The following FAM107A variants were observed in gnomAD, a reference collection of about 807,000 sequenced individuals.
The protein encoded by FAM107A is family with sequence similarity 107 member A.
Under a neutral mutation model 13.7 loss-of-function variants are expected in FAM107A, and 19 were observed. That is an observed-to-expected ratio of 1.38 (90% confidence interval 0.97 to 2.03). The LOEUF (loss-of-function observed/expected upper bound fraction) is 2.03, where lower values mean the gene tolerates loss of function less well. Among genes scored for constraint, FAM107A ranks in the 30% most tolerant of loss-of-function variants. The pLI is 0.00. For missense variants in FAM107A, 203 were observed against 184.4 expected, an observed-to-expected ratio of 1.10 and a Z score of -0.58; for synonymous variants, 82 against 74.5, an observed-to-expected ratio of 1.10 and a Z score of -0.52.
chr3:58,578,564 TC>T (rs1194205949), upstream of FAM107A, among the ~76,000 whole-genome samples: 2 of 151,908 alleles, frequency 1.3e-5, no homozygotes, highest in African/African-American at 4.8e-5. Flanking sequence ...CAAGACTGTC[TC>T]AAAAAAACCC....
chr3:58,584,242 G>A (rs2065579726), intron 1 of FAM107A, among the ~76,000 whole-genome samples: 1 of 152,154 alleles, frequency 6.6e-6, no homozygotes, highest in African/African-American at 2.4e-5. Flanking sequence ...TCCAATAGGG[G>A]TTTCCATTAC....
At chr3:58,616,279 C>T (rs1004540213) in intron 1 of FAM107A, among the ~76,000 whole-genome samples, 5 of 152,066 alleles carry the variant, frequency 3.3e-5, no homozygotes, top group African/African-American at 1.2e-4. Flanking sequence ...GGATGGGTCT[C>T]AGCCAGAGGA....
intron 1 of FAM107A, among the ~76,000 whole-genome samples, chr3:58,582,912 C>T (rs543595456): frequency 6.6e-6 from 1 of 152,312 alleles, no homozygotes; most frequent in Admixed American, 6.5e-5. Context: ...GATTCTCCCA[C>T]CTCAGCCTCC....
chr3:58,580,960 C>T (rs2065532634), upstream of FAM107A, among the ~76,000 whole-genome samples: 1 of 151,948 alleles, frequency 6.6e-6, no homozygotes, highest in African/African-American at 2.4e-5. Flanking sequence ...TCACATCTGG[C>T]TCAGTTATGT....
intron 1 of FAM107A, among the ~76,000 whole-genome samples, chr3:58,624,872 C>G (rs568917134): frequency 7.9e-5 from 12 of 152,358 alleles, no homozygotes; most frequent in African/African-American, 2.4e-4. Flanking sequence ...GTCTCTGCAA[C>G]TGACAGGGAC....
intron 1 of FAM107A, among the ~76,000 whole-genome samples, chr3:58,593,709 C>T (rs1287536498): frequency 6.6e-6 from 1 of 152,026 alleles, no homozygotes; most frequent in Non-Finnish European, 1.5e-5. Flanking sequence ...CTAATTCCTC[C>T]TTAGCGAACA....
chr3:58,624,145 G>T (rs549025393), intron 1 of FAM107A, among the ~76,000 whole-genome samples: 1 of 152,306 alleles, frequency 6.6e-6, no homozygotes, highest in African/African-American at 2.4e-5. Context: ...GGCTTAAAAC[G>T]TGGCTCCCAT....
upstream of FAM107A, chr3:58,577,560 G>A (rs1166738369): frequency 4.1e-6 from 4 of 985,348 alleles, no homozygotes; most frequent in African/African-American, 1.7e-5. The surrounding 1 kb of genome is among the most constrained non-coding windows in gnomAD (Gnocchi z 4.9). Context: ...TCCACGATGC[G>A]GAACATCATG....
chr3:58,624,031 C>A (rs2106644597), intron 1 of FAM107A, among the ~76,000 whole-genome samples: 1 of 152,290 alleles, frequency 6.6e-6, no homozygotes, highest in East Asian at 1.9e-4. Flanking sequence ...CGTGCCCACA[C>A]TCTGTTGGTG....
chr3:58,587,646 G>A (rs2065622346), upstream of FAM107A, among the ~76,000 whole-genome samples: 2 of 152,056 alleles, frequency 1.3e-5, no homozygotes, highest in Admixed American at 1.3e-4. Flanking sequence ...GAAGGTTGAG[G>A]GTGGAGGCCT....
chr3:58,626,285 ACC>A (rs1020652919), intron 1 of FAM107A, among the ~76,000 whole-genome samples: 3 of 151,986 alleles, frequency 2.0e-5, no homozygotes, highest in Non-Finnish European at 4.4e-5. Context: ...CCTACTCCCC[ACC>A]CCAGGATGCT....
intron 1 of FAM107A, among the ~76,000 whole-genome samples, chr3:58,602,123 A>G (rs2065757726): frequency 6.6e-6 from 1 of 152,118 alleles, no homozygotes; most frequent in Non-Finnish European, 1.5e-5. Flanking sequence ...GGGAAGGGGG[A>G]AGAGAGAAGA....
rs535839912 is a variant in FAM107A, at chr3:58,568,438, C to CA, written c.171-1075dup. 7.3e-4 allele frequency among the ~76,000 whole-genome samples: 105 copies of CA among 143,750 alleles called. 2 individuals are homozygous for CA. In the East Asian group the frequency reaches 0.016, roughly 22 times the overall value. 94.3% of individuals were successfully genotyped at this position (143,750 alleles called of 152,430 possible). A position where few individuals can be genotyped will look rare whatever the true frequency, so the allele number is the denominator to read the frequency against. On this transcript the variant is annotated intron_variant, in intron 2 of 3. Coordinates refer to ENST00000360997, the MANE Select transcript of FAM107A (RefSeq NM_001076778.3). ...CGACAGAGCGAGACTTCATCTCAAA[C>CA]AAAAAAAAAGAAAAAAAGAAAAAAA...
chr3:58,592,513 C>T (rs953288721), intron 1 of FAM107A, among the ~76,000 whole-genome samples: 4 of 152,294 alleles, frequency 2.6e-5, no homozygotes, highest in East Asian at 1.9e-4. Context: ...AGAAGGCCAC[C>T]GCGGTCATTT....
At chr3:58,590,330 A>G (rs2065645459), upstream of FAM107A, among the ~76,000 whole-genome samples, 1 of 152,110 alleles carries the variant, frequency 6.6e-6, no homozygotes, top group African/African-American at 2.4e-5. Flanking sequence ...GCAACCCCAC[A>G]GTTGTCTGAT....
upstream of FAM107A, among the ~76,000 whole-genome samples, chr3:58,580,385 T>C (rs1027780963): frequency 1.1e-3 from 168 of 151,148 alleles, no homozygotes; most frequent in African/African-American, 1.5e-3. Context: ...TTTTTTTTTT[T>C]CCTAGGGAGG....
intron 1 of FAM107A, among the ~76,000 whole-genome samples, chr3:58,608,404 A>T (rs941372530): frequency 6.6e-6 from 1 of 152,268 alleles, no homozygotes; most frequent in Non-Finnish European, 1.5e-5. Context: ...CAGTAGAGCC[A>T]AATGAGAGAT....
At chr3:58,586,798 T>G in intron 1 of FAM107A, 1 of 1,478,528 alleles carries the variant, frequency 6.8e-7, no homozygotes, top group Non-Finnish European at 9.0e-7. Flanking sequence ...CTGAGCGCCG[T>G]GCACCACAGA....
At chr3:58,570,583 CAGAGAG>C (rs371909507) in intron 1 of FAM107A, among the ~76,000 whole-genome samples, 2,772 of 90,920 alleles carry the variant, frequency 0.03, 35 homozygotes, top group African/African-American at 0.037. Context: ...GCAAATACAG[CAGAGAG>C]AGAGAGAGAG....
Sources: gnomAD v4.1 joint callset for allele counts (sites outside exome capture counted in the v4.1 genomes callset) on GRCh38, gnomAD v4.1.1 for gene constraint, Gnocchi (gnomAD v3.1) non-coding constraint, MANE v1.5 for transcripts, NCBI Gene and HGNC (gene_info 2026-07-23, HGNC 2026-07-21) for gene names.